MYO15B: variants seen among roughly 807,000 people sequenced by gnomAD.
MYO15B encodes the protein myosin XVB pseudogene.
Under a neutral mutation model 119.3 loss-of-function variants are expected in MYO15B, and 207 were observed. The observed-to-expected ratio is 1.73, with a 90% CI of 1.55 to 1.95. The LOEUF (loss-of-function observed/expected upper bound fraction) is 1.95. Among genes scored for constraint, MYO15B ranks in the 30% most tolerant of loss-of-function variants. The probability of loss-of-function intolerance (pLI) is 0.00; values close to 1 mark genes in which losing one functional copy is unlikely to be tolerated. For missense variants in MYO15B, 2,264 were observed against 1,203.1 expected, an observed-to-expected ratio of 1.88 and a Z score of -13.04; for synonymous variants, 966 against 498.9, an observed-to-expected ratio of 1.94 and a Z score of -12.48.
intron 9 of MYO15B, 102 bp downstream of exon 9, chr17:75,592,942 C>T: frequency 3.3e-6 from 2 of 615,192 alleles, no homozygotes; most frequent in Non-Finnish European, 5.9e-6. Flanking sequence ...CTACAGAGTG[C>T]TGGGCTGCCC....
At chr17:75,617,682 G>A (rs2058460879) in intron 41 of MYO15B, 128 bp from the exon 42 acceptor site, 1 of 601,602 alleles carries the variant, frequency 1.7e-6, no homozygotes, top group Admixed American at 2.8e-5. Context: ...GAAGGAGTAA[G>A]GCAGCTGGAG....
chr17:75,594,750 T>C (rs2056739144), exon 11 of MYO15B: 6 of 703,046 alleles, frequency 8.5e-6, no homozygotes, highest in Non-Finnish European at 1.3e-5. Flanking sequence ...GAAAGTGCCT[T>C]TGATGCCAGG....
intron 28 of MYO15B, 114 bp downstream of exon 28, chr17:75,613,585 G>A (rs1419099018): frequency 7.7e-6 from 5 of 646,902 alleles, no homozygotes; most frequent in Non-Finnish European, 1.4e-5. Context: ...TGTCCTCAGT[G>A]ACCCTGATCC....
chr17:75,626,008 T>C (rs1426610864), intron 62 of MYO15B, 31 bp downstream of exon 62: 2 of 699,136 alleles, frequency 2.9e-6, no homozygotes, highest in Non-Finnish European at 2.6e-6. Context: ...AGCACTGGCC[T>C]AGGGACCCTT....
intron 20 of MYO15B, 68 bp from the exon 21 acceptor site, chr17:75,605,796 G>A: frequency 1.5e-6 from 1 of 649,506 alleles, no homozygotes; most frequent in South Asian, 1.7e-5. Flanking sequence ...AGGAGGCTGA[G>A]ACCAGAGGAG....
chr17:75,618,861 C>T (rs1386565050), intron 43 of MYO15B, among the ~76,000 whole-genome samples: 1 of 152,208 alleles, frequency 6.6e-6, no homozygotes, highest in East Asian at 1.9e-4. Context: ...AATCTTGTAT[C>T]TGGGCTGATC....
Position 75,616,305 on chromosome 17 carries a change from C to T in MYO15B, c.6110-7C>T. 1 of 603,984 alleles carries T rather than the reference C, an allele frequency of 1.7e-6. No individual in the cohort carries two copies. The highest frequency in any genetic ancestry group is 2.9e-6 in the Non-Finnish European group (1 of 339,360). 37.4% of individuals were successfully genotyped at this position (603,984 alleles called of 1,614,324 possible). On this transcript the variant is annotated splice_region_variant and splice_polypyrimidine_tract_variant and intron_variant, in intron 37 of 63. Coordinates refer to ENST00000645453, the Ensembl canonical transcript of MYO15B. ...GGTAACTTTGAAGGCCATCTGGACA[C>T]TTGCAGGGCAGCCACAGATCACAGT...
rs2057507437 is a variant in MYO15B at position 75,604,653 on chromosome 17, G to T, written c.4017-851G>T. Among the ~76,000 whole-genome samples, 3 of 147,390 alleles carry T rather than the reference G, an allele frequency of 2.0e-5. No individual in the cohort carries two copies. The Admixed American group carries it at 2.1e-4, about 10-fold the overall frequency. ...CTGTTGCTCCCGTGGCCCAGAACCA[G>T]CCCTCATGCCTCCTGCGCACACCAT... On this transcript the variant is annotated intron_variant, in intron 19 of 63. Transcript: ENST00000645453.
rs76113775 is a variant in MYO15B at position 75,602,293 on chromosome 17, G to C, written c.3652-224G>C. On this transcript the variant is annotated intron_variant, in intron 15 of 63. Transcript: ENST00000645453. ...TTGACTAGCATAGGTTAAAGCCCCA[G>C]TGGGGAGAGTGTGGTCTTGCTGGGG... 1.2e-4 allele frequency: 82 copies of C among 669,294 alleles called. 1 individual carries two copies. Among genetic ancestry groups the C allele is most frequent in the Admixed American group, 6.6e-4 (31 of 46,910 alleles). The allele number at this position is 669,294 out of a possible 1,614,324, so 41.5% of individuals were successfully genotyped here.
In MYO15B at chr17:75,613,533, C is replaced by A. The variant is rs1598858184; in HGVS notation, c.5146+62C>A. 1.8e-5 allele frequency: 12 copies of A among 653,292 alleles called. No homozygotes were observed. In the East Asian group the frequency reaches 3.3e-4, roughly 18 times the overall value. 40.5% of individuals were successfully genotyped at this position (653,292 alleles called of 1,614,324 possible). A position where few individuals can be genotyped will look rare whatever the true frequency, so the allele number is the denominator to read the frequency against. On this transcript the variant is annotated intron_variant, in intron 28 of 63. Coordinates refer to ENST00000645453, the Ensembl canonical transcript of MYO15B. Reference sequence around the variant, plus strand: ...AAGTGGGGCCAGCCCTACCCCTTTGCCCTCCCTGGAACCCCTTCCTGCCCC... The same window carrying A: ...AAGTGGGGCCAGCCCTACCCCTTTGACCTCCCTGGAACCCCTTCCTGCCCC...
At chr17:75,618,160 A>G (rs1205192443) in exon 43 of MYO15B, 1 of 703,094 alleles carries the variant, frequency 1.4e-6, no homozygotes. Context: ...AGCCATCCCT[A>G]CTACCTGAGG....
At chr17:75,603,959 TG>T (rs1310792705) in intron 19 of MYO15B, among the ~76,000 whole-genome samples, 1 of 152,154 alleles carries the variant, frequency 6.6e-6, no homozygotes, top group Non-Finnish European at 1.5e-5. Flanking sequence ...CCAGCTGAGC[TG>T]GGCTGGTGGC....
chr17:75,608,411 C>G (rs974037311), intron 21 of MYO15B, among the ~76,000 whole-genome samples: 11 of 152,162 alleles, frequency 7.2e-5, no homozygotes, highest in African/African-American at 2.4e-4. Flanking sequence ...GCATGAGCCA[C>G]TGCACCCGGC....
Position 75,615,349 on chromosome 17 carries a change from G to A in MYO15B, c.5740+11G>A, listed in dbSNP as rs1460298293. On this transcript the variant is annotated intron_variant, in intron 34 of 63. Coordinates refer to ENST00000645453, the Ensembl canonical transcript of MYO15B. The stretch of plus-strand genomic sequence containing the variant: ...TCCCTGCCATGCCAGGTAAGTCTGG[G>A]CTGGGGGCACCAGAGTCCCTTCTCA... 8.6e-6 allele frequency: 6 copies of A among 701,300 alleles called. No individual in the cohort carries two copies. The highest frequency in any genetic ancestry group is 1.3e-5 in the Non-Finnish European group (5 of 383,976). The allele number at this position is 701,300 out of a possible 1,614,324, so 43.4% of individuals were successfully genotyped here.
At chr17:75,626,567 A>G in exon 64 of MYO15B, 1 of 696,698 alleles carries the variant, frequency 1.4e-6, no homozygotes, top group Non-Finnish European at 2.6e-6. Context: ...GGATGCTATC[A>G]GATCACTGTT....
Position 75,612,028 on chromosome 17 carries a change from G to A in MYO15B, c.4635+12G>A. On this transcript the variant is annotated intron_variant, in intron 25 of 63. Coordinates refer to ENST00000645453, the Ensembl canonical transcript of MYO15B. ...CCATCGGCTTTCAGGTGGGCGCCCA[G>A]GCCTAAGCTCTTCCCGCTGGCCTCA... The A allele has an allele frequency of 1.4e-6, 1 of 702,906 alleles. No individual in the cohort carries two copies. Among genetic ancestry groups the A allele is most frequent in the East Asian group, 2.7e-5 (1 of 37,286 alleles). 43.5% of individuals were successfully genotyped at this position (702,906 alleles called of 1,614,324 possible).
At chr17:75,608,140 A>G (rs2057772731) in intron 21 of MYO15B, among the ~76,000 whole-genome samples, 2 of 151,944 alleles carry the variant, frequency 1.3e-5, no homozygotes, top group Admixed American at 1.3e-4. Context: ...AATTTTTGAG[A>G]CAGAATCTCG....
At chr17:75,624,859 C>A (rs1241903536) in exon 59 of MYO15B, 3 of 703,040 alleles carry the variant, frequency 4.3e-6, no homozygotes, top group Non-Finnish European at 2.6e-6. Context: ...GGCGGCTCCA[C>A]TGGGAGACCC....
intron 2 of MYO15B, 32 bp downstream of exon 2, chr17:75,590,721 G>A (rs538541946): frequency 1.8e-4 from 33 of 184,180 alleles, no homozygotes; most frequent in African/African-American, 7.3e-4. Context: ...GACAGTGGGC[G>A]GGGATCCCCT....
Sources: gnomAD v4.1 joint callset for allele counts (sites outside exome capture counted in the v4.1 genomes callset) on GRCh38, gnomAD v4.1.1 for gene constraint, MANE v1.5 for transcripts, NCBI Gene and HGNC (gene_info 2026-07-23, HGNC 2026-07-21) for gene names.